Variants in IPCEF1 observed in about 807,000 individuals in gnomAD.
IPCEF1 encodes the protein interaction protein for cytohesin exchange factors 1.
In IPCEF1, 31 loss-of-function variants were observed where a neutral mutation model predicts 50.9. The ratio of observed to expected loss-of-function variants is 0.61; its 90% CI spans 0.46 to 0.82. The LOEUF is 0.82. Ranked by LOEUF, IPCEF1 falls within the 40% of genes least tolerant of loss-of-function variation. The pLI, the probability that IPCEF1 is intolerant of heterozygous loss-of-function variation, is 0.00. For missense variants in IPCEF1, 458 were observed against 514.0 expected, an observed-to-expected ratio of 0.89 and a Z score of 1.05; for synonymous variants, 181 against 192.0, an observed-to-expected ratio of 0.94 and a Z score of 0.47.
At position 154,160,648 on chromosome 6, in the gene IPCEF1, C is replaced by T. The variant is rs995173523; in HGVS notation, c.1105-608G>A. On this transcript the variant is annotated intron_variant, in intron 11 of 11. Transcript: ENST00000367220. ...TTGGTGCTATTCCATTCTGCCTCCT[C>T]TGTAACCAATGGCACACATTTCTGA... 1.7e-4 allele frequency among the ~76,000 whole-genome samples: 26 copies of T among 152,294 alleles called. 1 individual carries two copies. Among genetic ancestry groups the T allele is most frequent in the Admixed American group, 3.9e-4 (6 of 15,292 alleles).
In IPCEF1 at chr6:154,246,619, G is replaced by A. The variant is rs574240330; in HGVS notation, c.218C>T (p.Ser73Leu). Residue 73 changes from serine (S) to leucine (L), a missense_variant, in exon 5 of 12, where the codon TCG becomes TTG. Physicochemically the swap from Ser to Leu is moderately radical, Grantham distance 145 (BLOSUM62 -2). Transcript: ENST00000367220. ...TTGATTGCTATACCAGTACAGTGAC[G>A]ACCCCTTCAGTATCACCCAGAACTT... is the stretch of plus-strand genomic sequence containing the variant. ...WKKFWVILKGSSLYWYSNQMA... is the reference protein window; with the variant it reads ...WKKFWVILKGLSLYWYSNQMA... The A allele has an allele frequency of 3.1e-6, 5 of 1,613,692 alleles. No homozygotes were observed. The South Asian group carries it at 3.3e-5, about 11-fold the overall frequency.
intron 2 of IPCEF1, among the ~76,000 whole-genome samples, chr6:154,273,846 CG>C (rs970038158): frequency 3.4e-5 from 5 of 146,806 alleles, no homozygotes; most frequent in Non-Finnish European, 7.4e-5. Flanking sequence ...CTCCGCCTCC[CG>C]GGTTCACGGC....
intron 8 of IPCEF1, among the ~76,000 whole-genome samples, chr6:154,213,776 T>A (rs114414794): frequency 6.6e-6 from 1 of 152,178 alleles, no homozygotes; most frequent in Non-Finnish European, 1.5e-5. Context: ...TGTGTCCCAG[T>A]ATGACCTTCA....
chr6:154,304,628 C>T (rs779120518), intron 1 of IPCEF1, among the ~76,000 whole-genome samples: 18 of 152,088 alleles, frequency 1.2e-4, no homozygotes, highest in Non-Finnish European at 2.6e-4. Context: ...GATCAAAAGC[C>T]AGAGATCCTG....
At chr6:154,268,526 C>T (rs1781814765) in intron 2 of IPCEF1, among the ~76,000 whole-genome samples, 1 of 152,238 alleles carries the variant, frequency 6.6e-6, no homozygotes. Flanking sequence ...ACTGCAAGAA[C>T]ATCCTAACTG....
chr6:154,160,940 T>G (rs948152920), intron 11 of IPCEF1, among the ~76,000 whole-genome samples: 2 of 152,198 alleles, frequency 1.3e-5, no homozygotes, highest in Non-Finnish European at 2.9e-5. Flanking sequence ...GGGATGCATG[T>G]AAATGCCGAG....
chr6:154,212,526 C>CT (rs1778046987), intron 9 of IPCEF1, among the ~76,000 whole-genome samples: 1 of 152,226 alleles, frequency 6.6e-6, no homozygotes, highest in Non-Finnish European at 1.5e-5. Flanking sequence ...TTTGCATCCT[C>CT]ATGAATTCTC....
intron 11 of IPCEF1, among the ~76,000 whole-genome samples, chr6:154,160,425 T>C (rs71567965): frequency 0.055 from 8,372 of 152,280 alleles, 278 homozygotes; most frequent in African/African-American, 0.062. Context: ...CTAAGTAAAA[T>C]TGGAACGTAA....
intron 1 of IPCEF1, among the ~76,000 whole-genome samples, chr6:154,309,009 ACT>A (rs1047998936): frequency 1.3e-4 from 20 of 152,186 alleles, no homozygotes; most frequent in Non-Finnish European, 2.9e-4. Context: ...TTAAAAAGGA[ACT>A]TCTTGCAAAT....
chr6:154,195,081 A>G (rs1304176885), intron 10 of IPCEF1, among the ~76,000 whole-genome samples: 1 of 150,868 alleles, frequency 6.6e-6, no homozygotes, highest in Non-Finnish European at 1.5e-5. Context: ...AAACCTTCTT[A>G]TGTCCTGTCT....
rs1224214724 is a variant in IPCEF1, at chr6:154,259,989, T to C, written c.36+5923A>G. 2.6e-5 allele frequency among the ~76,000 whole-genome samples: 4 copies of C among 152,226 alleles called. No individual in the cohort carries two copies. The East Asian group carries it at 5.8e-4, about 22-fold the overall frequency. On this transcript the variant is annotated intron_variant, in intron 3 of 11. Coordinates refer to ENST00000367220, the MANE Select transcript of IPCEF1 (RefSeq NM_001130700.2). ...GAATAAACTCCTCACTTCCACTCCC[T>C]GCAGTTCACACGACGAGCACGGAGA...
At chr6:154,165,187 T>C (rs1799327220) in intron 11 of IPCEF1, among the ~76,000 whole-genome samples, 1 of 152,130 alleles carries the variant, frequency 6.6e-6, no homozygotes, top group African/African-American at 2.4e-5. Flanking sequence ...ATAGAAAAAT[T>C]GTGCTTAAAG....
chr6:154,346,441 T>C (rs761627524), intron 1 of IPCEF1, among the ~76,000 whole-genome samples: 5 of 152,244 alleles, frequency 3.3e-5, no homozygotes, highest in Non-Finnish European at 5.9e-5. Context: ...CCTCCTTTTT[T>C]CTAAATTGGC....
In IPCEF1 at chr6:154,199,884, C is replaced by T. The variant is rs1776925475; in HGVS notation, c.694G>A (p.Ala232Thr). ...GTTATTGGTTGTCCCTCATCTTCAG[C>T]AGCAGACAAACTGTTAACTGTGTCA... is the stretch of plus-strand genomic sequence containing the variant. Reference protein sequence around the residue: ...LPDTVNSLSAAEDEGQPITFA... With the variant: ...LPDTVNSLSATEDEGQPITFA... Residue 232 changes from alanine (A) to threonine (T), a missense_variant, in exon 10 of 12, where the codon GCT (alanine) becomes ACT (threonine). Physicochemically the swap from Ala to Thr is moderately conservative, Grantham distance 58. Coordinates refer to ENST00000367220, the MANE Select transcript of IPCEF1 (RefSeq NM_001130700.2). The T allele has an allele frequency of 6.2e-7, 1 of 1,614,192 alleles. No individual in the cohort carries two copies. The highest frequency in any genetic ancestry group is 8.5e-7 in the Non-Finnish European group (1 of 1,180,028).
intron 10 of IPCEF1, among the ~76,000 whole-genome samples, chr6:154,181,780 G>A (rs1800896850): frequency 6.6e-6 from 1 of 152,170 alleles, no homozygotes; most frequent in Non-Finnish European, 1.5e-5. Context: ...AGCAATCTAG[G>A]ACACAAACCA....
Position 154,349,929 on chromosome 6 carries a change from A to G in IPCEF1, c.-62+6743T>C, listed in dbSNP as rs866331360. Among the ~76,000 whole-genome samples, 25 of 152,336 alleles carry G rather than the reference A, an allele frequency of 1.6e-4. No individual in the cohort carries two copies. The South Asian group carries it at 1.7e-3, about 10-fold the overall frequency. ...TATAATGATATTTACCTGTTAAAAG[A>G]ATGTTGTTCTGCTGGGGATAATCAT... On this transcript the variant is annotated intron_variant, in intron 1 of 11. Coordinates refer to ENST00000367220, the MANE Select transcript of IPCEF1 (RefSeq NM_001130700.2).
At position 154,157,231 on chromosome 6, in the gene IPCEF1, AT is replaced by A. The variant is rs1798753153; in HGVS notation, c.*2596del. 6.6e-6 allele frequency: 1 copy of A among 152,306 alleles called. No individual in the cohort carries two copies. Among genetic ancestry groups the A allele is most frequent in the Non-Finnish European group, 1.5e-5 (1 of 68,124 alleles). 9.4% of individuals were successfully genotyped at this position (152,306 alleles called of 1,614,324 possible). A position where few individuals can be genotyped will look rare whatever the true frequency, so the allele number is the denominator to read the frequency against. ...CCCACTCTCCCTCTCACTCCTGTCT[AT>A]CCCCCCACCCACGTCTTAGTGGCCA... is the stretch of plus-strand genomic sequence containing the variant. On this transcript the variant is annotated 3_prime_UTR_variant, in exon 12 of 12. Coordinates refer to ENST00000367220, the MANE Select transcript of IPCEF1 (RefSeq NM_001130700.2).
At chr6:154,323,361 C>T (rs1783438860) in intron 1 of IPCEF1, among the ~76,000 whole-genome samples, 1 of 151,996 alleles carries the variant, frequency 6.6e-6, no homozygotes, top group Non-Finnish European at 1.5e-5. Flanking sequence ...TCCAGGAATT[C>T]TGCAGCAGGA....
intron 5 of IPCEF1, among the ~76,000 whole-genome samples, chr6:154,234,812 C>A (rs1779986814): frequency 6.6e-6 from 1 of 152,126 alleles, no homozygotes; most frequent in African/African-American, 2.4e-5. Context: ...GTCTGACATA[C>A]AAAGATAGTA....
Sources: allele counts gnomAD v4.1 joint callset (sites outside exome capture counted in the v4.1 genomes callset), GRCh38; gene constraint gnomAD v4.1.1; transcripts MANE v1.5; gene names NCBI Gene and HGNC (gene_info 2026-07-23, HGNC 2026-07-21).